Variants in PLB1 observed in about 807,000 individuals in gnomAD.
PLB1 encodes the protein phospholipase B1, membrane-associated.
Under a neutral mutation model 227.4 loss-of-function variants are expected in PLB1, and 242 were observed. The ratio of observed to expected loss-of-function variants is 1.06; its 90% CI spans 0.96 to 1.18. The LOEUF is 1.18. PLB1 is among the 50% of genes most tolerant of loss of function. The pLI is 0.00. For missense variants in PLB1, 1,858 were observed against 1,816.3 expected (o/e 1.02, Z -0.42); for synonymous variants, 757 against 682.2 (o/e 1.11, Z -1.71).
chr2:28,573,141 A>C, intron 20 of PLB1, 56 bp from the exon 21 acceptor site: 2 of 1,398,932 alleles, frequency 1.4e-6, no homozygotes, highest in Non-Finnish European at 2.0e-6. Context: ...TTATCAAAGG[A>C]ATTTGAAGAT....
intron 57 of PLB1, among the ~76,000 whole-genome samples, chr2:28,641,291 G>C (rs1458250245): frequency 1.3e-5 from 2 of 152,192 alleles, no homozygotes; most frequent in African/African-American, 4.8e-5. Context: ...CCTTCCGAAA[G>C]CTCTGATGCA....
intron 1 of PLB1, among the ~76,000 whole-genome samples, chr2:28,509,090 A>T (rs983792704): frequency 1.3e-5 from 2 of 152,214 alleles, no homozygotes; most frequent in South Asian, 4.1e-4. Flanking sequence ...GAGGAAGTCA[A>T]TGTTCAGATA....
chr2:28,600,749 T>C, intron 35 of PLB1, 60 bp from the exon 36 acceptor site: 4 of 1,546,222 alleles, frequency 2.6e-6, no homozygotes, highest in Middle Eastern at 1.7e-4. Flanking sequence ...TCAGGCCCTC[T>C]AGGAGGAAAA....
intron 1 of PLB1, among the ~76,000 whole-genome samples, chr2:28,510,076 T>C (rs1668062797): frequency 6.6e-6 from 1 of 152,210 alleles, no homozygotes; most frequent in Admixed American, 6.5e-5. Context: ...CCTGAGCATT[T>C]AGTTATGTGA....
At chr2:28,497,807 C>G (rs1040019567) in intron 1 of PLB1, among the ~76,000 whole-genome samples, 1 of 152,064 alleles carries the variant, frequency 6.6e-6, no homozygotes, top group Non-Finnish European at 1.5e-5. Context: ...CAACCTCTGC[C>G]CTCCAGGTTC....
chr2:28,591,057 C>T (rs944189364), intron 29 of PLB1, 76 bp from the exon 30 acceptor site: 30 of 1,580,294 alleles, frequency 1.9e-5, no homozygotes, highest in Admixed American at 5.0e-5. Flanking sequence ...TGTGCCAGGC[C>T]GACACTTAAC....
In PLB1 at chr2:28,565,472, T is replaced by C. The variant is rs982637139; in HGVS notation, c.1280+119T>C. 5.9e-6 allele frequency: 5 copies of C among 842,226 alleles called. No homozygotes were observed. The African/African-American group carries it at 8.6e-5, about 14-fold the overall frequency. The allele number at this position is 842,226 out of a possible 1,614,324, so 52.2% of individuals were successfully genotyped here. ...GGGTGGGCCATTTTGTTCTTTTCTA[T>C]GACCAACTTCTAGGTTTAATTTGAA... is the stretch of plus-strand genomic sequence containing the variant. On this transcript the variant is annotated intron_variant, in intron 19 of 57. Coordinates refer to ENST00000327757, the MANE Select transcript of PLB1 (RefSeq NM_153021.5).
chr2:28,504,990 T>C (rs1667494402), intron 1 of PLB1, among the ~76,000 whole-genome samples: 1 of 152,222 alleles, frequency 6.6e-6, no homozygotes, highest in African/African-American at 2.4e-5. Context: ...AGAGAAGATA[T>C]AAGTGTTCAT....
intron 41 of PLB1, among the ~76,000 whole-genome samples, chr2:28,605,411 AC>A (rs1273544282): frequency 6.6e-6 from 1 of 151,890 alleles, no homozygotes; most frequent in Non-Finnish European, 1.5e-5. Context: ...GAGTCAGGGG[AC>A]CCAACTACCC....
chr2:28,589,239 T>C (rs928030172), intron 26 of PLB1, among the ~76,000 whole-genome samples: 4 of 152,086 alleles, frequency 2.6e-5, no homozygotes, highest in East Asian at 1.9e-4. Flanking sequence ...ATATATGCAA[T>C]CGCAGCAGAG....
intron 22 of PLB1, 98 bp from the exon 23 acceptor site, chr2:28,579,529 G>T (rs977191759): frequency 1.7e-5 from 15 of 895,040 alleles, no homozygotes; most frequent in Non-Finnish European, 2.6e-5. Flanking sequence ...ACACTCTGGT[G>T]TGTGAGGACC....
At chr2:28,591,192 C>T (rs1409391311) in intron 30 of PLB1, 21 bp downstream of exon 30, 2 of 1,614,020 alleles carry the variant, frequency 1.2e-6, no homozygotes, top group East Asian at 2.2e-5. Flanking sequence ...CTTGCCTCCT[C>T]TTGACTCACC....
rs1359371651 is a variant in PLB1, at chr2:28,543,212, G to A, written c.880G>A (p.Glu294Lys). The change falls in exon 14 of 58, where the codon GAG becomes AAG. Residue 294 changes from glutamate (E) to lysine (K), a missense_variant and splice_region_variant. Coordinates refer to ENST00000327757, the MANE Select transcript of PLB1 (RefSeq NM_153021.5). ...CCGCTGTCAACTGGTTCTCTTTTAG[G>A]AGGACCCCCGACTCCAGGATTCTAC... Reference protein sequence around the residue: ...FYETTPSLHSEDPRLQDSTTL... With the variant: ...FYETTPSLHSKDPRLQDSTTL... 6.2e-7 allele frequency: 1 copy of A among 1,609,372 alleles called. No individual in the cohort carries two copies. Among genetic ancestry groups the A allele is most frequent in the Non-Finnish European group, 8.5e-7 (1 of 1,178,132 alleles).
intron 16 of PLB1, among the ~76,000 whole-genome samples, chr2:28,551,249 G>C (rs1674200334): frequency 6.6e-6 from 1 of 152,230 alleles, no homozygotes; most frequent in Non-Finnish European, 1.5e-5. Flanking sequence ...GGTCCACACT[G>C]GTAGGGGGCC....
intron 33 of PLB1, among the ~76,000 whole-genome samples, chr2:28,597,743 A>T (rs955452902): frequency 5.3e-5 from 8 of 152,210 alleles, no homozygotes; most frequent in African/African-American, 1.9e-4. Context: ...GGCACATAGT[A>T]TATACTCAGC....
At chr2:28,582,206 T>A (rs2148271127) in intron 24 of PLB1, 73 bp downstream of exon 24, 1 of 1,503,640 alleles carries the variant, frequency 6.7e-7, no homozygotes, top group Middle Eastern at 1.7e-4. Context: ...GGCATCCTGC[T>A]GAGACCTCCT....
chr2:28,548,038 G>A (rs528939948), intron 14 of PLB1, among the ~76,000 whole-genome samples: 13 of 152,034 alleles, frequency 8.6e-5, no homozygotes, highest in African/African-American at 2.7e-4. Flanking sequence ...ATTTCACAGC[G>A]GATACCACAC....
intron 54 of PLB1, 145 bp from the exon 55 acceptor site, chr2:28,631,891 T>C: frequency 1.6e-6 from 1 of 642,450 alleles, no homozygotes; most frequent in South Asian, 1.9e-5. Context: ...AAAAGTATGT[T>C]TGCATCCCAC....
At chr2:28,543,772 A>T (rs551813655) in intron 14 of PLB1, among the ~76,000 whole-genome samples, 5 of 152,200 alleles carry the variant, frequency 3.3e-5, no homozygotes, top group Non-Finnish European at 5.9e-5. Flanking sequence ...TGCAAAATCC[A>T]GGTCAGCCCC....
Sources: gnomAD v4.1 joint callset for allele counts (sites outside exome capture counted in the v4.1 genomes callset) on GRCh38, gnomAD v4.1.1 for gene constraint, MANE v1.5 for transcripts, NCBI Gene and HGNC (gene_info 2026-07-23, HGNC 2026-07-21) for gene names.